Variants in ANK3 observed in about 807,000 individuals in gnomAD.
The protein encoded by ANK3 is ankyrin 3.
Under a neutral mutation model 370.9 loss-of-function variants are expected in ANK3, and 57 were observed. The ratio of observed to expected loss-of-function variants is 0.15; its 90% confidence interval spans 0.12 to 0.19. The LOEUF is 0.19. ANK3 is among the 10% of genes least tolerant of loss of function. The pLI, the probability that ANK3 is intolerant of heterozygous loss-of-function variation, is 1.00. For missense variants in ANK3, 4,439 were observed against 5,302.1 expected (o/e 0.84, Z 5.06); for synonymous variants, 1,929 against 1,946.3 (o/e 0.99, Z 0.23).
At chr10:60,374,088 T>G (rs1322225165) in intron 1 of ANK3, among the ~76,000 whole-genome samples, 1 of 151,900 alleles carries the variant, frequency 6.6e-6, no homozygotes, top group Non-Finnish European at 1.5e-5. Flanking sequence ...CTTGTATGCC[T>G]TGTGCTCCAA....
At chr10:60,251,780 C>A (rs1211505686) in intron 7 of ANK3, among the ~76,000 whole-genome samples, 2 of 152,230 alleles carry the variant, frequency 1.3e-5, no homozygotes, top group Non-Finnish European at 2.9e-5. Context: ...ACCTTATACA[C>A]TACTGCCATC....
At chr10:60,436,849 A>G (rs2064171621) in intron 2 of ANK3, among the ~76,000 whole-genome samples, 1 of 152,236 alleles carries the variant, frequency 6.6e-6, no homozygotes, top group Admixed American at 6.5e-5. Flanking sequence ...ACACGGTGTC[A>G]CATCAACACA....
chr10:60,463,233 T>C (rs904308648), intron 2 of ANK3, among the ~76,000 whole-genome samples: 7 of 152,210 alleles, frequency 4.6e-5, no homozygotes, highest in Non-Finnish European at 1.5e-5. Flanking sequence ...AGAAAGTTCT[T>C]TCCTCTTTTG....
At chr10:60,460,259 C>A (rs1210921294) in intron 2 of ANK3, among the ~76,000 whole-genome samples, 1 of 152,130 alleles carries the variant, frequency 6.6e-6, no homozygotes, top group Admixed American at 6.6e-5. Flanking sequence ...TGGGAAATAA[C>A]CACCTGTCTC....
At chr10:60,046,493 C>T (rs1001686796) in intron 42 of ANK3, among the ~76,000 whole-genome samples, 53 of 152,088 alleles carry the variant, frequency 3.5e-4, no homozygotes, top group African/African-American at 1.2e-3. Context: ...TTTGGACAAT[C>T]TCTGAAAGGA....
intron 1 of ANK3, among the ~76,000 whole-genome samples, chr10:60,381,905 C>G (rs931778543): frequency 5.3e-5 from 8 of 152,174 alleles, no homozygotes; most frequent in Admixed American, 2.6e-4. Flanking sequence ...CTCTTCAATA[C>G]CATGAATTGT....
intron 2 of ANK3, among the ~76,000 whole-genome samples, chr10:60,398,281 C>T (rs1013927334): frequency 2.0e-5 from 3 of 152,108 alleles, no homozygotes; most frequent in African/African-American, 7.2e-5. Flanking sequence ...CAGGCTATAC[C>T]AAAATAAGGC....
At chr10:60,655,655 T>C (rs564589819) in intron 1 of ANK3, among the ~76,000 whole-genome samples, 3 of 152,126 alleles carry the variant, frequency 2.0e-5, no homozygotes, top group South Asian at 2.1e-4. Context: ...TACAAATATT[T>C]TTATAAATTT....
At position 60,200,393 on chromosome 10, in the gene ANK3, C is replaced by T. The variant is rs143094830; in HGVS notation, c.1393-166G>A. The T allele has an allele frequency of 4.2e-4, 283 of 667,134 alleles. 1 individual carries two copies. In the African/African-American group the frequency reaches 4.4e-3, roughly 10 times the overall value. 41.3% of individuals were successfully genotyped at this position (667,134 alleles called of 1,614,324 possible). On this transcript the variant is annotated intron_variant, in intron 12 of 43. Transcript: ENST00000280772. ...AAATGCATGAGAATTTCACAGGAAC[C>T]TGGTCCATGAGGCAAAGACTTTGGC...
chr10:60,060,458 A>ACTT (rs1468901228), intron 40 of ANK3: 1 of 152,448 alleles, frequency 6.6e-6, no homozygotes, highest in Non-Finnish European at 1.5e-5. Flanking sequence ...ATTACCTACA[A>ACTT]CTTTTATATT....
rs1462160890 is a variant in ANK3 at position 60,202,992 on chromosome 10, G to A, written c.1392+10C>T. 3 of 1,594,814 alleles carry A rather than the reference G, an allele frequency of 1.9e-6. No individual in the cohort carries two copies. The highest frequency in any genetic ancestry group is 1.3e-5 in the African/African-American group (1 of 74,336). ...TCACAATGGACCTCCTTTGTTCAAA[G>A]AATACTTACCACATTGGTGGTGTTT... is the stretch of plus-strand genomic sequence containing the variant. On this transcript the variant is annotated intron_variant, in intron 12 of 43. Coordinates refer to ENST00000280772, the MANE Select transcript of ANK3 (RefSeq NM_020987.5).
intron 1 of ANK3, among the ~76,000 whole-genome samples, chr10:60,350,353 CAG>C (rs2056597405): frequency 6.6e-6 from 1 of 152,152 alleles, no homozygotes; most frequent in Non-Finnish European, 1.5e-5. Context: ...CTTAAACAAA[CAG>C]AGGAAAGAGC....
intron 2 of ANK3, among the ~76,000 whole-genome samples, chr10:60,455,181 A>G (rs1484612348): frequency 6.6e-6 from 1 of 152,228 alleles, no homozygotes; most frequent in African/African-American, 2.4e-5. Context: ...TTTACCCACT[A>G]CAAAATTAGT....
chr10:60,384,099 C>G (rs904887905), intron 1 of ANK3, among the ~76,000 whole-genome samples: 14 of 151,948 alleles, frequency 9.2e-5, no homozygotes, highest in Admixed American at 2.6e-4. Context: ...TTAGTTTTAC[C>G]TACAAAAATG....
At chr10:60,275,898 A>G (rs1427624560) in intron 4 of ANK3, among the ~76,000 whole-genome samples, 1 of 152,166 alleles carries the variant, frequency 6.6e-6, no homozygotes, top group Non-Finnish European at 1.5e-5. Flanking sequence ...GCAGTTTGAG[A>G]TTTTTTCAAT....
At chr10:60,684,985 C>A (rs780630429) in intron 1 of ANK3, 70 of 1,557,092 alleles carry the variant, frequency 4.5e-5, no homozygotes, top group Non-Finnish European at 5.5e-5. Context: ...CTCATCAACT[C>A]CTTGGCATTT....
chr10:60,058,921 A>AT (rs2079761694), intron 41 of ANK3, among the ~76,000 whole-genome samples: 1 of 152,062 alleles, frequency 6.6e-6, no homozygotes, highest in African/African-American at 2.4e-5. Flanking sequence ...CACCCAGCTG[A>AT]TTTTTGTATT....
chr10:60,036,283 C>A (rs1589066405), intron 43 of ANK3, among the ~76,000 whole-genome samples: 1 of 152,108 alleles, frequency 6.6e-6, no homozygotes, highest in African/African-American at 2.4e-5. Flanking sequence ...GCTGCTTAGT[C>A]CACCAGCCTC....
chr10:60,111,801 TA>T, intron 26 of ANK3: 1 of 454,034 alleles, frequency 2.2e-6, no homozygotes, highest in Non-Finnish European at 4.4e-6. Flanking sequence ...TGGGAAGAAT[TA>T]ATGTAATATA....
Sources: allele counts gnomAD v4.1 joint callset (sites outside exome capture counted in the v4.1 genomes callset), GRCh38; gene constraint gnomAD v4.1.1; transcripts MANE v1.5; gene names NCBI Gene and HGNC (gene_info 2026-07-23, HGNC 2026-07-21).